BRINP3: variants seen among roughly 807,000 people sequenced by gnomAD.
BRINP3 encodes BMP/retinoic acid-inducible neural-specific protein 3.
BRINP3 carries 19 observed loss-of-function variants against 71.0 expected under a neutral mutation model. The observed-to-expected ratio is 0.27, with a 90% CI of 0.19 to 0.39. BRINP3 has a LOEUF of 0.39. BRINP3 is among the 10% of genes least tolerant of loss of function. The pLI is 1.00. For synonymous variants in BRINP3, 380 were observed against 337.7 expected (o/e 1.13, Z -1.37); for missense variants, 959 against 940.8 (o/e 1.02, Z -0.25).
At chr1:190,165,438 T>G (rs1651412523) in intron 6 of BRINP3, among the ~76,000 whole-genome samples, 3 of 134,236 alleles carry the variant, frequency 2.2e-5, no homozygotes, top group South Asian at 2.3e-4. Flanking sequence ...TCTGTTTCAT[T>G]GGCTGTTTTT....
intron 2 of BRINP3, among the ~76,000 whole-genome samples, chr1:190,398,487 G>GA (rs1490653233): frequency 6.6e-6 from 1 of 151,838 alleles, no homozygotes; most frequent in Admixed American, 6.6e-5. Context: ...GTATAACGCT[G>GA]AACAAATGAG....
intron 4 of BRINP3, among the ~76,000 whole-genome samples, chr1:190,235,286 G>T (rs568582986): frequency 6.6e-6 from 1 of 152,024 alleles, no homozygotes; most frequent in Non-Finnish European, 1.5e-5. Context: ...TCTTGGGATG[G>T]ATAGTATTAG....
At chr1:190,286,407 A>G (rs375747219) in intron 2 of BRINP3, among the ~76,000 whole-genome samples, 6 of 152,184 alleles carry the variant, frequency 3.9e-5, no homozygotes, top group South Asian at 2.1e-4. Context: ...AAATGTACTC[A>G]GTATATTTAA....
At chr1:190,112,264 A>T (rs1652759472) in intron 7 of BRINP3, among the ~76,000 whole-genome samples, 1 of 152,182 alleles carries the variant, frequency 6.6e-6, no homozygotes, top group Admixed American at 6.5e-5. Flanking sequence ...GGCTTTTAAA[A>T]ATTAAGTATG....
chr1:190,163,357 A>G (rs1651188982), intron 6 of BRINP3, among the ~76,000 whole-genome samples: 1 of 152,110 alleles, frequency 6.6e-6, no homozygotes, highest in African/African-American at 2.4e-5. Flanking sequence ...AAGAAAACAA[A>G]TCAATACCAT....
chr1:190,341,233 C>T (rs887731471), intron 2 of BRINP3, among the ~76,000 whole-genome samples: 2 of 151,926 alleles, frequency 1.3e-5, no homozygotes, highest in African/African-American at 4.8e-5. Flanking sequence ...TTTTTCAATG[C>T]TAATCTATGG....
chr1:190,306,162 A>G (rs1191657451), intron 2 of BRINP3, among the ~76,000 whole-genome samples: 1 of 151,912 alleles, frequency 6.6e-6, no homozygotes, highest in African/African-American at 2.4e-5. Flanking sequence ...AGAGATGATA[A>G]AACAAAGACT....
chr1:190,170,057 A>T (rs879821468), intron 6 of BRINP3, among the ~76,000 whole-genome samples: 5 of 152,154 alleles, frequency 3.3e-5, no homozygotes, highest in Admixed American at 1.3e-4. Context: ...ATAAATATAA[A>T]TTTTTGTAGA....
intron 2 of BRINP3, among the ~76,000 whole-genome samples, chr1:190,339,053 A>T (rs548971201): frequency 6.9e-6 from 1 of 144,570 alleles, no homozygotes. Context: ...AATAAATAAA[A>T]CAATCTTTTT....
At chr1:190,208,140 T>C (rs1403525469) in intron 6 of BRINP3, among the ~76,000 whole-genome samples, 1 of 151,914 alleles carries the variant, frequency 6.6e-6, no homozygotes, top group Admixed American at 6.6e-5. Flanking sequence ...TTTTTATTTT[T>C]GTAAAGGCTA....
intron 2 of BRINP3, among the ~76,000 whole-genome samples, chr1:190,449,856 T>G (rs1261181782): frequency 1.3e-5 from 2 of 152,216 alleles, no homozygotes; most frequent in Non-Finnish European, 2.9e-5. Context: ...TTCCTCTCCC[T>G]GTTGGTAATT....
chr1:190,458,586 G>A (rs991944731), intron 1 of BRINP3, among the ~76,000 whole-genome samples: 34 of 151,936 alleles, frequency 2.2e-4, no homozygotes, highest in African/African-American at 8.2e-4. Flanking sequence ...ACCTTAATTG[G>A]TTGCTTTATT....
intron 1 of BRINP3, among the ~76,000 whole-genome samples, chr1:190,464,299 A>G (rs1374837702): frequency 1.3e-5 from 2 of 151,972 alleles, no homozygotes; most frequent in Non-Finnish European, 2.9e-5. Context: ...TTTGAATTTC[A>G]AAGACAAATG....
chr1:190,275,069 C>T (rs79514061), intron 3 of BRINP3, among the ~76,000 whole-genome samples: 21,445 of 151,430 alleles, frequency 0.14, 2,007 homozygotes, highest in South Asian at 0.27. Flanking sequence ...CAAGAATAGA[C>T]TACAAATTTT....
intron 6 of BRINP3, among the ~76,000 whole-genome samples, chr1:190,164,074 G>A (rs1373497676): frequency 2.6e-5 from 4 of 151,922 alleles, no homozygotes; most frequent in Admixed American, 1.3e-4. Context: ...ATGAGAGTGG[G>A]GAACTGAAAA....
intron 7 of BRINP3, among the ~76,000 whole-genome samples, chr1:190,155,628 C>G (rs187913869): frequency 1.6e-4 from 25 of 151,744 alleles, no homozygotes; most frequent in Non-Finnish European, 3.5e-4. Context: ...CTCTGTTCCC[C>G]TACTCAAATC....
intron 6 of BRINP3, among the ~76,000 whole-genome samples, chr1:190,210,166 T>C: frequency 6.6e-6 from 1 of 152,110 alleles, no homozygotes; most frequent in South Asian, 2.1e-4. Context: ...TTGTGTTTGA[T>C]GTGAATAAGT....
intron 5 of BRINP3, among the ~76,000 whole-genome samples, chr1:190,233,652 C>T (rs931772705): frequency 6.6e-6 from 1 of 152,084 alleles, no homozygotes; most frequent in African/African-American, 2.4e-5. Flanking sequence ...GATCAGTCAA[C>T]TTAATTTTGA....
At chr1:190,200,233 A>G (rs542403845) in intron 6 of BRINP3, among the ~76,000 whole-genome samples, 122 of 152,220 alleles carry the variant, frequency 8.0e-4, no homozygotes, top group Non-Finnish European at 7.6e-4. Flanking sequence ...TATGGCTACT[A>G]GCACCTCTTC....
Sources: gnomAD v4.1 joint callset for allele counts (sites outside exome capture counted in the v4.1 genomes callset) on GRCh38, gnomAD v4.1.1 for gene constraint, MANE v1.5 for transcripts, NCBI Gene and HGNC (gene_info 2026-07-23, HGNC 2026-07-21) for gene names.